Variants in NUP62CL observed in about 807,000 individuals in gnomAD.
The protein encoded by NUP62CL is nucleoporin 62 C-terminal like, also known as nucleoporin-62 C-terminal-like protein.
Under a neutral mutation model 15.3 loss-of-function variants are expected in NUP62CL, and 13 were observed. That is an observed-to-expected ratio of 0.85 (90% CI 0.55 to 1.35). NUP62CL has a LOEUF of 1.35. NUP62CL is among the 40% of genes most tolerant of loss of function. The pLI is 0.00. For missense variants in NUP62CL, 123 were observed against 130.6 expected, an observed-to-expected ratio of 0.94 and a Z score of 0.28; for synonymous variants, 54 against 49.2, an observed-to-expected ratio of 1.10 and a Z score of -0.41.
intron 2 of NUP62CL, among the ~76,000 whole-genome samples, chrX:107,189,942 AAAG>A (rs1463824744): frequency 0.036 from 3,750 of 103,152 alleles, 169 homozygotes; most frequent in African/African-American, 0.067. Context: ...AGAAAGAAAG[AAAG>A]AGAATCGATA....
chrX:107,190,440 A>G (rs1927210741), intron 2 of NUP62CL, among the ~76,000 whole-genome samples: 1 of 112,203 alleles, frequency 8.9e-6, no homozygotes, highest in African/African-American at 3.2e-5. Flanking sequence ...TCTGATTACT[A>G]TATGCCAATT....
intron 8 of NUP62CL, among the ~76,000 whole-genome samples, chrX:107,124,709 A>G (rs1319449852): frequency 9.0e-6 from 1 of 111,217 alleles, no homozygotes; most frequent in Non-Finnish European, 1.9e-5. Flanking sequence ...AAATGAGCGC[A>G]CTGAGTATAT....
At chrX:107,171,425 A>G (rs1430556688) in intron 3 of NUP62CL, among the ~76,000 whole-genome samples, 2 of 111,582 alleles carry the variant, frequency 1.8e-5, no homozygotes, top group Non-Finnish European at 3.8e-5. Flanking sequence ...TTTATAAAGG[A>G]AAGAGGTTTA....
At position 107,137,952 on chromosome X, in the gene NUP62CL, T is replaced by C. The variant is rs143287420; in HGVS notation, c.*42+9791A>G. On this transcript the variant is annotated intron_variant, in intron 8 of 8. Transcript: ENST00000372466. ...CTGTATGGCTATAGTAATGAAAGCATTGGGGGAAAGACACATAGACCCATA... is the reference window on the plus strand; with the variant it reads ...CTGTATGGCTATAGTAATGAAAGCACTGGGGGAAAGACACATAGACCCATA... 6.7e-3 allele frequency among the ~76,000 whole-genome samples: 743 copies of C among 111,453 alleles called. 6 individuals carry two copies. The highest frequency in any genetic ancestry group is 0.022 in the African/African-American group (687 of 30,746).
intron 4 of NUP62CL, among the ~76,000 whole-genome samples, chrX:107,162,441 C>T (rs936422194): frequency 9.0e-6 from 1 of 111,081 alleles, no homozygotes; most frequent in African/African-American, 3.3e-5. Flanking sequence ...AATTAAACTT[C>T]TGAAAACTAA....
At chrX:107,165,432 T>C (rs917174474) in intron 4 of NUP62CL, among the ~76,000 whole-genome samples, 5 of 111,677 alleles carry the variant, frequency 4.5e-5, no homozygotes, top group Non-Finnish European at 5.6e-5. Flanking sequence ...TTTTACACTA[T>C]TTCTTTTAGA....
At chrX:107,189,922 A>G (rs1927192001) in intron 2 of NUP62CL, among the ~76,000 whole-genome samples, 1 of 107,307 alleles carries the variant, frequency 9.3e-6, no homozygotes, top group African/African-American at 3.5e-5. Flanking sequence ...AGAAAGAAAG[A>G]AAGAAAGAAA....
At chrX:107,126,183 T>C (rs1215917444) in intron 8 of NUP62CL, among the ~76,000 whole-genome samples, 1 of 112,205 alleles carries the variant, frequency 8.9e-6, no homozygotes, top group Non-Finnish European at 1.9e-5. Context: ...ACAAATGAAG[T>C]ATAAGACCTG....
At chrX:107,180,119 C>T (rs183645631) in intron 2 of NUP62CL, among the ~76,000 whole-genome samples, 160 of 111,879 alleles carry the variant, frequency 1.4e-3, no homozygotes, top group Middle Eastern at 9.3e-3. Context: ...TTTCATTTAA[C>T]GAATGACAAT....
At chrX:107,164,779 A>T (rs1486572962) in intron 4 of NUP62CL, among the ~76,000 whole-genome samples, 1 of 112,959 alleles carries the variant, frequency 8.9e-6, no homozygotes, top group Admixed American at 9.3e-5. Context: ...AAAGAAATTG[A>T]TTTGTAATTT....
intron 8 of NUP62CL, among the ~76,000 whole-genome samples, chrX:107,134,478 AGTTCTG>A (rs1275318944): frequency 3.6e-5 from 4 of 112,026 alleles, no homozygotes; most frequent in Non-Finnish European, 5.6e-5. Flanking sequence ...TTTTAAATCA[AGTTCTG>A]GCTCTGTCGC....
rs1926754465 is a variant in NUP62CL, at chrX:107,175,168, G to C, written c.-22C>G. On this transcript the variant is annotated 5_prime_UTR_variant, in exon 3 of 9. Transcript: ENST00000372466. ...GCATGGTGCTTGAACTAGTGGTGGT[G>C]GCAACAGCAGCTGCTGGAGCCAAAC... 1 of 1,133,322 alleles carries C rather than the reference G, an allele frequency of 8.8e-7. No homozygotes were observed. Among genetic ancestry groups the C allele is most frequent in the Non-Finnish European group, 1.2e-6 (1 of 839,320 alleles). The allele number at this position is 1,133,322 out of a possible 1,213,427, so 93.4% of individuals were successfully genotyped here. A position where few individuals can be genotyped will look rare whatever the true frequency, so the allele number is the denominator to read the frequency against.
intron 1 of NUP62CL, among the ~76,000 whole-genome samples, chrX:107,204,745 A>AGTAT (rs367681174): frequency 5.4e-5 from 1 of 18,415 alleles, no homozygotes; most frequent in African/African-American, 1.6e-4. Flanking sequence ...TTTTAAATAA[A>AGTAT]TTATTTAAAT....
At chrX:107,143,972 G>C (rs919330028) in intron 8 of NUP62CL, among the ~76,000 whole-genome samples, 3 of 111,640 alleles carry the variant, frequency 2.7e-5, no homozygotes, top group Non-Finnish European at 5.6e-5. Flanking sequence ...CCTTGGGTGG[G>C]AATGGCAAAA....
chrX:107,164,490 G>A (rs758493023), intron 4 of NUP62CL, among the ~76,000 whole-genome samples: 2 of 109,878 alleles, frequency 1.8e-5, no homozygotes, highest in African/African-American at 6.6e-5. Flanking sequence ...GGAAATAATA[G>A]AGTAGATATC....
At chrX:107,167,499 T>C in intron 4 of NUP62CL, 150 bp downstream of exon 4, 1 of 402,663 alleles carries the variant, frequency 2.5e-6, no homozygotes, top group Admixed American at 4.6e-5. Context: ...TTATTCAACT[T>C]CCTAAGCTAC....
At chrX:107,131,788 C>A in intron 8 of NUP62CL, 1 of 1,123,750 alleles carries the variant, frequency 8.9e-7, no homozygotes, top group Non-Finnish European at 1.2e-6. Flanking sequence ...CACTGAGAGG[C>A]CCATTCTGCA....
At chrX:107,160,957 A>G (rs1439529570) in intron 4 of NUP62CL, among the ~76,000 whole-genome samples, 1 of 110,520 alleles carries the variant, frequency 9.0e-6, no homozygotes, top group East Asian at 2.8e-4. Flanking sequence ...CAACCCCATC[A>G]AAAAGTGGGC....
intron 1 of NUP62CL, among the ~76,000 whole-genome samples, 155 bp from the exon 2 acceptor site, chrX:107,193,227 T>A (rs191573722): frequency 3.6e-5 from 4 of 112,484 alleles, no homozygotes; most frequent in African/African-American, 1.3e-4. Context: ...AAACATTTTT[T>A]AATACAAAGC....
Sources: allele counts gnomAD v4.1 joint callset (sites outside exome capture counted in the v4.1 genomes callset), GRCh38; gene constraint gnomAD v4.1.1; transcripts MANE v1.5; gene names NCBI Gene and HGNC (gene_info 2026-07-23, HGNC 2026-07-21).